The following NOS1AP variants were observed in gnomAD, a reference collection of about 807,000 sequenced individuals.
The protein encoded by NOS1AP is carboxyl-terminal PDZ ligand of neuronal nitric oxide synthase protein.
Under a neutral mutation model 56.2 loss-of-function variants are expected in NOS1AP, and 21 were observed. The observed-to-expected ratio is 0.37, with a 90% confidence interval of 0.26 to 0.54. The LOEUF is 0.54. Ranked by LOEUF, NOS1AP falls within the 20% of genes least tolerant of loss-of-function variation. The pLI, the probability that NOS1AP is intolerant of heterozygous loss-of-function variation, is 0.84. For synonymous variants in NOS1AP, 270 were observed against 274.6 expected (o/e 0.98, Z 0.17); for missense variants, 522 against 657.8 (o/e 0.79, Z 2.26).
intron 2 of NOS1AP, among the ~76,000 whole-genome samples, chr1:162,174,752 C>A (rs1650981698): frequency 6.6e-6 from 1 of 152,164 alleles, no homozygotes; most frequent in South Asian, 2.1e-4. Context: ...TAACTAAAAT[C>A]CATACTTGTT....
intron 4 of NOS1AP, among the ~76,000 whole-genome samples, chr1:162,301,701 G>C (rs532006352): frequency 3.3e-5 from 5 of 152,186 alleles, no homozygotes; most frequent in South Asian, 4.1e-4. Context: ...CCTGGATCTC[G>C]GCAGACTAAG....
chr1:162,293,653 A>G (rs1463415922), intron 3 of NOS1AP, among the ~76,000 whole-genome samples: 5 of 152,264 alleles, frequency 3.3e-5, no homozygotes, highest in Non-Finnish European at 7.3e-5. Context: ...CAGTGGTCTT[A>G]CAAAAGCATA....
At chr1:162,202,715 A>G (rs1220395577) in intron 2 of NOS1AP, among the ~76,000 whole-genome samples, 1 of 152,198 alleles carries the variant, frequency 6.6e-6, no homozygotes, top group Admixed American at 6.5e-5. Context: ...AACTGTTGAG[A>G]TATATATGTA....
rs746308134 is a variant in NOS1AP, at chr1:162,345,148, C to CT, written c.595+1176dup. Among the ~76,000 whole-genome samples, 92 of 137,792 alleles carry CT rather than the reference C, an allele frequency of 6.7e-4. 1 individual carries two copies. The South Asian group carries it at 0.013, about 20-fold the overall frequency. 90.4% of individuals were successfully genotyped at this position (137,792 alleles called of 152,430 possible). ...AAATTTAACATGACAATACAGATTT[C>CT]TTTTCTTTTTTTCTTTTATTATTAT... On this transcript the variant is annotated intron_variant, in intron 6 of 9. Transcript: ENST00000361897.
At chr1:162,286,274 T>C (rs1015154871) in intron 2 of NOS1AP, among the ~76,000 whole-genome samples, 7 of 152,158 alleles carry the variant, frequency 4.6e-5, no homozygotes, top group Non-Finnish European at 1.0e-4. Flanking sequence ...TTAGGTGCCT[T>C]TTTCCAGGCT....
chr1:162,250,241 C>T (rs889217731), intron 2 of NOS1AP, among the ~76,000 whole-genome samples: 1 of 152,174 alleles, frequency 6.6e-6, no homozygotes, highest in African/African-American at 2.4e-5. Context: ...CAGACATCCT[C>T]CTCCAAGGTG....
intron 1 of NOS1AP, among the ~76,000 whole-genome samples, chr1:162,143,612 A>G (rs1246871060): frequency 6.6e-6 from 1 of 152,038 alleles, no homozygotes; most frequent in Non-Finnish European, 1.5e-5. Flanking sequence ...GTACCACCAC[A>G]CCTGGCTAAA....
intron 2 of NOS1AP, among the ~76,000 whole-genome samples, chr1:162,180,247 T>A (rs1004694534): frequency 3.0e-4 from 45 of 152,108 alleles, no homozygotes; most frequent in African/African-American, 1.0e-3. Flanking sequence ...TTATTTATTT[T>A]ATTTATTTAT....
chr1:162,191,392 C>T (rs1407275254), intron 2 of NOS1AP, among the ~76,000 whole-genome samples: 2 of 152,132 alleles, frequency 1.3e-5, no homozygotes, highest in Non-Finnish European at 2.9e-5. Flanking sequence ...GAAGTGTTTT[C>T]TGTGCACTAT....
At chr1:162,113,218 A>T (rs773536120) in intron 1 of NOS1AP, among the ~76,000 whole-genome samples, 2 of 152,162 alleles carry the variant, frequency 1.3e-5, no homozygotes, top group Non-Finnish European at 2.9e-5. Flanking sequence ...TGAGTCTGAC[A>T]GCAAGCAGGT....
intron 2 of NOS1AP, among the ~76,000 whole-genome samples, chr1:162,178,218 G>A (rs1651130052): frequency 6.6e-6 from 1 of 152,052 alleles, no homozygotes; most frequent in Non-Finnish European, 1.5e-5. Context: ...CCATTGTCTG[G>A]ATACACCACA....
chr1:162,096,318 A>G (rs1692239556), intron 1 of NOS1AP, among the ~76,000 whole-genome samples: 1 of 152,172 alleles, frequency 6.6e-6, no homozygotes, highest in African/African-American at 2.4e-5. Context: ...GGTAGCTCTA[A>G]TTGTTAGGTG....
intron 2 of NOS1AP, among the ~76,000 whole-genome samples, chr1:162,214,035 T>G (rs1426928365): frequency 6.6e-6 from 1 of 152,128 alleles, no homozygotes; most frequent in Non-Finnish European, 1.5e-5. Context: ...AAGTTTGTGG[T>G]CCCTGCCTTC....
rs537452487 is a variant in NOS1AP at position 162,205,276 on chromosome 1, C to G, written c.177+50800C>G. 3.0e-4 allele frequency among the ~76,000 whole-genome samples: 46 copies of G among 152,326 alleles called. 1 individual carries two copies. The highest frequency in any genetic ancestry group is 9.4e-4 in the African/African-American group (39 of 41,582). On this transcript the variant is annotated intron_variant, in intron 2 of 9. Coordinates refer to ENST00000361897, the MANE Select transcript of NOS1AP (RefSeq NM_014697.3). ...TATCACTCCTTTCTTCTCTCAGGTT[C>G]AGGATCAGTTTAAGCTTTACTTTAA...
chr1:162,261,170 C>T (rs915667811), intron 2 of NOS1AP, among the ~76,000 whole-genome samples: 1 of 138,782 alleles, frequency 7.2e-6, no homozygotes, highest in Admixed American at 7.7e-5. Flanking sequence ...TCTCATTGGT[C>T]TGGCATCAGA....
intron 2 of NOS1AP, among the ~76,000 whole-genome samples, chr1:162,223,787 T>A (rs1448918621): frequency 6.6e-6 from 1 of 152,206 alleles, no homozygotes; most frequent in African/African-American, 2.4e-5. Flanking sequence ...CTACCCATAA[T>A]GGCAGTTTAG....
In NOS1AP at chr1:162,357,055, G is replaced by A. The variant is rs138360383; in HGVS notation, c.858G>A (p.Pro286=). 9.9e-5 allele frequency: 160 copies of A among 1,613,236 alleles called. No individual in the cohort carries two copies. In the African/African-American group the frequency reaches 1.8e-3, roughly 18 times the overall value. The change falls in exon 8 of 10, where the codon CCG becomes CCA. Residue 286 remains proline (P), a synonymous_variant. Transcript: ENST00000361897. The part of the protein sequence containing the change: ...SKPPGLGTET[P]LSTHHQMQLL... ...CTCCAGGCCTGGGCACAGAGACACC[G>A]CTGTCCACTCACCACCAGATGCAGC...
chr1:162,203,130 A>C (rs1000929566), intron 2 of NOS1AP, among the ~76,000 whole-genome samples: 4 of 149,934 alleles, frequency 2.7e-5, no homozygotes, highest in Non-Finnish European at 4.4e-5. Flanking sequence ...CTTTGGTCTC[A>C]TTAGATCTGG....
intron 1 of NOS1AP, among the ~76,000 whole-genome samples, chr1:162,133,009 A>G (rs1648822232): frequency 6.6e-6 from 1 of 152,214 alleles, no homozygotes; most frequent in Admixed American, 6.5e-5. Flanking sequence ...AAACTTCTGC[A>G]TCAGTGAGGT....
Sources: allele counts gnomAD v4.1 joint callset (sites outside exome capture counted in the v4.1 genomes callset), GRCh38; gene constraint gnomAD v4.1.1; transcripts MANE v1.5; gene names NCBI Gene and HGNC (gene_info 2026-07-23, HGNC 2026-07-21).